Variants in BAZ2A observed in about 807,000 individuals in gnomAD.
The protein encoded by BAZ2A is bromodomain adjacent to zinc finger domain 2A, also known as bromodomain adjacent to zinc finger domain protein 2A.
BAZ2A carries 34 observed loss-of-function variants against 199.9 expected under a neutral mutation model. The ratio of observed to expected loss-of-function variants is 0.17; its 90% confidence interval spans 0.13 to 0.23. BAZ2A has a LOEUF of 0.23. BAZ2A is among the 10% of genes least tolerant of loss of function. BAZ2A has a pLI of 1.00. For synonymous variants in BAZ2A, 857 were observed against 883.9 expected (o/e 0.97, Z 0.54); for missense variants, 2,002 against 2,391.1 (o/e 0.84, Z 3.39).
chr12:56,614,374 T>G, intron 3 of BAZ2A: 4 of 446,352 alleles, frequency 9.0e-6, no homozygotes, highest in Non-Finnish European at 1.2e-5. Flanking sequence ...ACAACATCTC[T>G]ATCATGTTCT....
At chr12:56,616,200 C>G (rs2137085241) in intron 2 of BAZ2A, among the ~76,000 whole-genome samples, 1 of 151,430 alleles carries the variant, frequency 6.6e-6, no homozygotes, top group South Asian at 2.1e-4. Context: ...CACGCCTGGC[C>G]TTTTTTTTTG....
intron 1 of BAZ2A, among the ~76,000 whole-genome samples, chr12:56,622,596 A>C (rs957651230): frequency 7.9e-5 from 12 of 152,130 alleles, no homozygotes; most frequent in Non-Finnish European, 1.5e-5. Context: ...CTAAAGGTAA[A>C]CTCTGTCCTC....
chr12:56,631,813 T>TG (rs1428397109), upstream of BAZ2A, among the ~76,000 whole-genome samples: 1 of 152,078 alleles, frequency 6.6e-6, no homozygotes, highest in African/African-American at 2.4e-5. Context: ...TGGGCAGAGT[T>TG]GGGGGGTGAG....
intron 5 of BAZ2A, 49 bp from the exon 6 acceptor site, chr12:56,612,295 C>A: frequency 3.4e-6 from 5 of 1,454,988 alleles, no homozygotes; most frequent in Admixed American, 2.1e-5. Context: ...AAAGGCATCA[C>A]ATAAAACAAG....
rs376815284 is a variant in BAZ2A, at chr12:56,605,892, G to T, written c.2431C>A (p.Gln811Lys). 5 of 1,596,380 alleles carry T rather than the reference G, an allele frequency of 3.1e-6. No homozygotes were observed. The African/African-American group carries it at 6.7e-5, about 21-fold the overall frequency. ...TTCATTTCCTCCAAGATCATCTGCT[G>T]CCTCTGCCGTTCCTCCAAGCGCCTC... ...TQRRLEERQR[Q>K]QMILEEMKKP... is the part of the protein sequence containing the mutation. Residue 811 changes from glutamine to lysine, a missense_variant, in exon 13 of 29, where the codon CAG becomes AAG. Gln to Lys is a moderately conservative substitution (Grantham distance 53, BLOSUM62 1). Coordinates refer to ENST00000549884, the MANE Select transcript of BAZ2A (RefSeq NM_001300905.2).
At position 56,602,063 on chromosome 12, in the gene BAZ2A, C is replaced by G. The variant is rs1354588198; in HGVS notation, c.3554G>C (p.Arg1185Pro). Reference protein sequence around the residue: ...GSNTTASSPARARGRPRKTKP... With the variant: ...GSNTTASSPAPARGRPRKTKP... ...AGTTTTTCGAGGTCGGCCTCGGGCC[C>G]GGGCAGGAGAACTGGCAGTGGTGTT... is the stretch of plus-strand genomic sequence containing the variant. Residue 1185 changes from arginine (R) to proline (P), a missense_variant, in exon 20 of 29, where the codon CGG becomes CCG. Coordinates refer to ENST00000549884, the MANE Select transcript of BAZ2A (RefSeq NM_001300905.2). 6.4e-7 allele frequency: 1 copy of G among 1,563,196 alleles called. No individual in the cohort carries two copies. The highest frequency in any genetic ancestry group is 8.7e-7 in the Non-Finnish European group (1 of 1,153,332).
chr12:56,611,963 T>C lies in BAZ2A; in HGVS notation c.1419A>G (p.Ala473=). The change falls in exon 6 of 29, where the codon GCA becomes GCG. Residue 473 remains alanine, a synonymous_variant. Transcript: ENST00000549884. ...VFSVVSPASS[A]VLPAVSLEVP... is the part of the protein sequence containing the mutation. ...CTTCTAAGGAGACTGCTGGGAGGAC[T>C]GCTGAGGAAGCTGGAGAGACCACTG... 6.2e-7 allele frequency: 1 copy of C among 1,613,318 alleles called. No homozygotes were observed. The highest frequency in any genetic ancestry group is 1.1e-5 in the South Asian group (1 of 90,852).
chr12:56,599,556 T>C (rs1886213670), intron 26 of BAZ2A, 146 bp downstream of exon 26: 4 of 1,297,892 alleles, frequency 3.1e-6, no homozygotes, highest in Non-Finnish European at 4.2e-6. Context: ...CAATTAAAGC[T>C]ATAGAATTTA....
Position 56,610,433 on chromosome 12 carries a change from C to T in BAZ2A, c.1755G>A (p.Met585Ile). 6.2e-7 allele frequency: 1 copy of T among 1,613,842 alleles called. No homozygotes were observed. Among genetic ancestry groups the T allele is most frequent in the Non-Finnish European group, 8.5e-7 (1 of 1,179,850 alleles). ...CCTTGATCACTTCTGGAAATTGCTT[C>T]ATCCTCTTCCCACAGGGGCCATAAT... Reference protein sequence around the residue: ...TWYYGPCGKRMKQFPEVIKYL... With the variant: ...TWYYGPCGKRIKQFPEVIKYL... The change falls in exon 8 of 29, where the codon ATG (methionine) becomes ATA (isoleucine). Residue 585 changes from methionine (M) to isoleucine (I), a missense_variant. Physicochemically the swap from Met to Ile is conservative, Grantham distance 10. Around this residue, in one of 6 missense-constraint regions of BAZ2A, gnomAD observed 74 missense variants for 126.1 expected, o/e 0.59. Coordinates refer to ENST00000549884, the MANE Select transcript of BAZ2A (RefSeq NM_001300905.2).
chr12:56,602,796 A>G lies in BAZ2A; in HGVS notation c.3341T>C (p.Leu1114Pro), dbSNP rs1304630686. The G allele has an allele frequency of 4.3e-6, 7 of 1,613,834 alleles. No homozygotes were observed. Among genetic ancestry groups the G allele is most frequent in the Non-Finnish European group, 5.9e-6 (7 of 1,179,822 alleles). ...HSSQMLRAVSLGQDRYRRRYW... is the reference protein window; with the variant it reads ...HSSQMLRAVSPGQDRYRRRYW... ...GCGACGTCTGTAGCGGTCCTGACCCAGGGAGACCGCCCGAAGCATCTGGGA... is the reference window on the plus strand; with the variant it reads ...GCGACGTCTGTAGCGGTCCTGACCCGGGGAGACCGCCCGAAGCATCTGGGA... Residue 1114 changes from leucine (L) to proline (P), a missense_variant, in exon 19 of 29, where the codon CTG becomes CCG. Transcript: ENST00000549884.
rs766452068 is a variant in BAZ2A at position 56,610,454 on chromosome 12, A to G, written c.1734T>C (p.Tyr578=). The change falls in exon 8 of 29, where the codon TAT becomes TAC. Residue 578 remains tyrosine (Y), a synonymous_variant. Coordinates refer to ENST00000549884, the MANE Select transcript of BAZ2A (RefSeq NM_001300905.2). ...GCTTCATCCTCTTCCCACAGGGGCC[A>G]TAATACCAGGTCTCCCCCTGCCATC... is the stretch of plus-strand genomic sequence containing the variant. ...SHRWQGETWY[Y]GPCGKRMKQF... The G allele has an allele frequency of 1.7e-5, 27 of 1,613,902 alleles. No homozygotes were observed. Among genetic ancestry groups the G allele is most frequent in the East Asian group, 2.2e-5 (1 of 44,868 alleles).
intron 1 of BAZ2A, among the ~76,000 whole-genome samples, chr12:56,625,159 T>TC (rs1475727960): frequency 1.4e-4 from 20 of 146,380 alleles, no homozygotes; most frequent in Non-Finnish European, 3.0e-4. Context: ...AATTTCTTTT[T>TC]TTTTTTTTTT....
Position 56,612,071 on chromosome 12 carries a change from T to C in BAZ2A, c.1311A>G (p.Leu437=). 2 of 1,613,596 alleles carry C rather than the reference T, an allele frequency of 1.2e-6. No individual in the cohort carries two copies. Among genetic ancestry groups the C allele is most frequent in the Non-Finnish European group, 8.5e-7 (1 of 1,179,788 alleles). The change falls in exon 6 of 29, where the codon CTA becomes CTG. Residue 437 remains leucine, a synonymous_variant. Transcript: ENST00000549884. ...VSPTTSPAVS[L]VVSPAASPEI... ...CTGGGGAGGCTGCTGGAGAAACCAC[T>C]AGGGAGACTGCTGGGGAGGTTGTTG...
In BAZ2A at chr12:56,603,753, C is replaced by T. The variant is rs1036791235; in HGVS notation, c.3039-53G>A. The T allele has an allele frequency of 2.4e-5, 39 of 1,594,548 alleles. No homozygotes were observed. The African/African-American group carries it at 4.0e-4, about 16-fold the overall frequency. On this transcript the variant is annotated intron_variant, in intron 16 of 28. Transcript: ENST00000549884. Reference sequence around the variant, plus strand: ...GAAGGCCAAGTGTGGTGGCTCACACCTGTAATTCCAGCACTTTGGGAGGCC... The same window carrying T: ...GAAGGCCAAGTGTGGTGGCTCACACTTGTAATTCCAGCACTTTGGGAGGCC...
intron 16 of BAZ2A, among the ~76,000 whole-genome samples, chr12:56,603,934 A>G (rs1950262024): frequency 6.6e-6 from 1 of 151,976 alleles, no homozygotes; most frequent in Non-Finnish European, 1.5e-5. Flanking sequence ...AATCGCTTGA[A>G]CCTGGGAGGC....
upstream of BAZ2A, among the ~76,000 whole-genome samples, chr12:56,634,048 G>A (rs891412826): frequency 6.6e-6 from 1 of 152,138 alleles, no homozygotes; most frequent in African/African-American, 2.4e-5. Flanking sequence ...TCCCCTTTAA[G>A]TCGACAGGTG....
Position 56,597,947 on chromosome 12 carries a change from T to C in BAZ2A, c.*671A>G, listed in dbSNP as rs1279570201. ...AGAAGACAGGGACCTCTGAACATTT[T>C]TTTTTCCTTTGAAGGGAAAAGATTT... is the stretch of plus-strand genomic sequence containing the variant. On this transcript the variant is annotated 3_prime_UTR_variant, in exon 29 of 29. Transcript: ENST00000549884. 6.6e-6 allele frequency: 1 copy of C among 152,564 alleles called. No individual in the cohort carries two copies. Among genetic ancestry groups the C allele is most frequent in the Admixed American group, 6.5e-5 (1 of 15,280 alleles). The allele number at this position is 152,564 out of a possible 1,614,324, so 9.5% of individuals were successfully genotyped here.
chr12:56,634,188 C>G (rs1366270165), upstream of BAZ2A, among the ~76,000 whole-genome samples: 10 of 152,180 alleles, frequency 6.6e-5, no homozygotes, highest in Non-Finnish European at 1.2e-4. Context: ...ACAGAGAAGA[C>G]TGGACTTCTC....
In BAZ2A at chr12:56,635,776, A is replaced by G. The variant is rs1951434407; in HGVS notation, c.4+406T>C. On this transcript the variant is annotated intron_variant, in intron 1 of 29. Coordinates refer to the BAZ2A transcript ENST00000379441. The surrounding 1 kb of genome is among the most constrained non-coding windows in gnomAD (Gnocchi z 4.1). ...AGAAGACAGACTTAAAAGGCCTTAG[A>G]AAAATGAGAGGGAGGGGAGGCATTT... Among the ~76,000 whole-genome samples, 1 of 152,168 alleles carries G rather than the reference A, an allele frequency of 6.6e-6. No homozygotes were observed. Among genetic ancestry groups the G allele is most frequent in the Admixed American group, 6.5e-5 (1 of 15,274 alleles).
Sources: gnomAD v4.1 joint callset for allele counts (sites outside exome capture counted in the v4.1 genomes callset) on GRCh38, gnomAD v4.1.1 for gene constraint, gnomAD v4.1.1 regional missense constraint, Gnocchi (gnomAD v3.1) non-coding constraint, MANE v1.5 for transcripts, NCBI Gene and HGNC (gene_info 2026-07-23, HGNC 2026-07-21) for gene names.